Variants in RTL4 observed in about 807,000 individuals in gnomAD.
RTL4 encodes the protein retrotransposon Gag-like protein 4.
In RTL4, 4 loss-of-function variants were observed where a neutral mutation model predicts 5.3. The observed-to-expected ratio is 0.75, with a 90% CI of 0.37 to 1.72. The LOEUF (loss-of-function observed/expected upper bound fraction) is 1.72, where lower values mean the gene tolerates loss of function less well. Ranked by LOEUF, RTL4 falls within the 40% of genes most tolerant of loss-of-function variation. RTL4 has a pLI of 0.04. For synonymous variants in RTL4, 98 were observed against 87.3 expected (o/e 1.12, Z -0.68); for missense variants, 260 against 227.1 (o/e 1.14, Z -0.93).
chrX:112,180,444 C>T, the RTL4 span, among the ~76,000 whole-genome samples: 437 of 112,101 alleles, frequency 3.9e-3, 7 homozygotes, highest in African/African-American at 0.013. Context: ...AACCTTTTCT[C>T]TAAACACAAA....
the RTL4 span, among the ~76,000 whole-genome samples, chrX:112,217,963 T>A: frequency 8.9e-6 from 1 of 112,009 alleles, no homozygotes; most frequent in Non-Finnish European, 1.9e-5. Flanking sequence ...ACTAGACATT[T>A]AATCAACTAA....
At chrX:112,412,478 A>G in the RTL4 span, among the ~76,000 whole-genome samples, 1 of 111,660 alleles carries the variant, frequency 9.0e-6, no homozygotes, top group Non-Finnish European at 1.9e-5. Context: ...TATTAACCAA[A>G]ACAGCATGGT....
At chrX:112,353,217 G>C in the RTL4 span, among the ~76,000 whole-genome samples, 1 of 111,538 alleles carries the variant, frequency 9.0e-6, no homozygotes, top group Non-Finnish European at 1.9e-5. Flanking sequence ...AAATAGGAAC[G>C]CTTTTACACT....
At chrX:112,128,659 C>CAAAAAAAAAAAAAAAAAAA in the RTL4 span, among the ~76,000 whole-genome samples, 1 of 41,124 alleles carries the variant, frequency 2.4e-5, no homozygotes, top group Non-Finnish European at 5.5e-5. Context: ...CTCTGTCTCA[C>CAAAAAAAAAAAAAAAAAAA]AAAAAAAAAA....
At chrX:112,428,296 T>C in the RTL4 span, among the ~76,000 whole-genome samples, 1 of 112,063 alleles carries the variant, frequency 8.9e-6, no homozygotes, top group African/African-American at 3.2e-5. Context: ...AGTAGTGGAA[T>C]TGCTGGATCA....
the RTL4 span, among the ~76,000 whole-genome samples, chrX:112,420,779 C>T: frequency 3.6e-5 from 4 of 111,800 alleles, no homozygotes; most frequent in Non-Finnish European, 5.6e-5. Flanking sequence ...CTTTATTTCC[C>T]GTTACTGAAT....
chrX:112,113,452 C>T, the RTL4 span, among the ~76,000 whole-genome samples: 1 of 111,693 alleles, frequency 9.0e-6, no homozygotes, highest in Admixed American at 9.5e-5. Flanking sequence ...ACAGCTATCC[C>T]AGGATTCCTT....
chrX:112,261,367 C>G, the RTL4 span, among the ~76,000 whole-genome samples: 1 of 103,972 alleles, frequency 9.6e-6, no homozygotes, highest in African/African-American at 3.7e-5. Flanking sequence ...AATCAATGTG[C>G]AAAAATCACA....
the RTL4 span, among the ~76,000 whole-genome samples, chrX:112,363,278 T>C: frequency 0.36 from 39,186 of 110,074 alleles, 7,043 homozygotes; most frequent in African/African-American, 0.7. Flanking sequence ...TGCAGGGAAA[T>C]GAAGACATAC....
the RTL4 span, among the ~76,000 whole-genome samples, chrX:112,137,982 C>T: frequency 1.8e-5 from 2 of 111,567 alleles, no homozygotes; most frequent in Non-Finnish European, 3.8e-5. Context: ...ATAGCCAAGA[C>T]ATGGAAGCAA....
the RTL4 span, among the ~76,000 whole-genome samples, chrX:112,256,194 G>A: frequency 8.9e-6 from 1 of 111,749 alleles, no homozygotes; most frequent in Non-Finnish European, 1.9e-5. Flanking sequence ...GCTTTAAAAT[G>A]TATAAAAAAT....
chrX:112,182,127 A>T, the RTL4 span, among the ~76,000 whole-genome samples: 7 of 111,878 alleles, frequency 6.3e-5, no homozygotes, highest in Non-Finnish European at 1.3e-4. Context: ...AACAGAAAGG[A>T]ATAGCATCAA....
the RTL4 span, among the ~76,000 whole-genome samples, chrX:112,411,026 A>T: frequency 1.8e-5 from 2 of 111,972 alleles, no homozygotes; most frequent in African/African-American, 6.5e-5. Flanking sequence ...TCAGCGATGA[A>T]AATGGAGAGA....
chrX:112,083,113 C>T, the RTL4 span, among the ~76,000 whole-genome samples: 2 of 111,364 alleles, frequency 1.8e-5, no homozygotes, highest in East Asian at 2.9e-4. Flanking sequence ...ATCTCTCCCC[C>T]CTCGGTACGG....
At chrX:112,099,694 T>A in the RTL4 span, among the ~76,000 whole-genome samples, 1 of 111,261 alleles carries the variant, frequency 9.0e-6, no homozygotes, top group Non-Finnish European at 1.9e-5. Context: ...ATCAACAGAT[T>A]CTTTTTAAAG....
At chrX:112,430,342 G>T in the RTL4 span, among the ~76,000 whole-genome samples, 1 of 109,951 alleles carries the variant, frequency 9.1e-6, no homozygotes, top group African/African-American at 3.3e-5. Context: ...TATTAATTAG[G>T]TCATCAAAGG....
At chrX:112,204,295 A>G in the RTL4 span, among the ~76,000 whole-genome samples, 1 of 112,251 alleles carries the variant, frequency 8.9e-6, no homozygotes, top group African/African-American at 3.2e-5. Context: ...CTACAATATG[A>G]TCTAGCAATC....
chrX:112,095,305 G>A, the RTL4 span, among the ~76,000 whole-genome samples: 3 of 111,532 alleles, frequency 2.7e-5, no homozygotes, highest in Non-Finnish European at 5.7e-5. Context: ...TGAAAGCTAG[G>A]AGGTTTGATG....
chrX:112,434,370 A>G, the RTL4 span, among the ~76,000 whole-genome samples: 1 of 109,645 alleles, frequency 9.1e-6, no homozygotes, highest in African/African-American at 3.4e-5. Context: ...TCCTGGACTC[A>G]TTTTGGTTGG....
Sources: allele counts gnomAD v4.1 joint callset (sites outside exome capture counted in the v4.1 genomes callset), GRCh38; gene constraint gnomAD v4.1.1; transcripts MANE v1.5; gene names NCBI Gene and HGNC (gene_info 2026-07-23, HGNC 2026-07-21).